The following CMTM4 variants were observed in gnomAD, a reference collection of about 807,000 sequenced individuals.
The protein encoded by CMTM4 is CKLF-like MARVEL transmembrane domain-containing protein 4.
In CMTM4, 8 loss-of-function variants were observed where a neutral mutation model predicts 19.0. The ratio of observed to expected loss-of-function variants is 0.42; its 90% confidence interval spans 0.25 to 0.76. The LOEUF (loss-of-function observed/expected upper bound fraction) is 0.76, where lower values mean the gene tolerates loss of function less well. Among genes scored for constraint, CMTM4 ranks in the 30% least tolerant of loss-of-function variants. The probability of loss-of-function intolerance (pLI) is 0.27; values close to 1 mark genes in which losing one functional copy is unlikely to be tolerated. For missense variants in CMTM4, 228 were observed against 290.2 expected (o/e 0.79, Z 1.56); for synonymous variants, 106 against 121.1 (o/e 0.88, Z 0.82).
In CMTM4 at chr16:66,618,023, C is replaced by T; in HGVS notation, c.*4035G>A. 2.0e-6 allele frequency: 2 copies of T among 985,620 alleles called. No individual in the cohort carries two copies. The highest frequency in any genetic ancestry group is 2.4e-6 in the Non-Finnish European group (2 of 830,086). The allele number at this position is 985,620 out of a possible 1,614,324, so 61.1% of individuals were successfully genotyped here. A position where few individuals can be genotyped will look rare whatever the true frequency, so the allele number is the denominator to read the frequency against. ...AGGCCACTGCTTCCTCCCTTATCTC[C>T]CAGACCTGGCCGTGTGTGGACCTCA... is the stretch of plus-strand genomic sequence containing the variant. On this transcript the variant is annotated 3_prime_UTR_variant, in exon 4 of 4. Coordinates refer to ENST00000394106, the MANE Select transcript of CMTM4 (RefSeq NM_181521.3).
At chr16:66,674,735 T>C (rs1366199727) in intron 1 of CMTM4, among the ~76,000 whole-genome samples, 1 of 140,060 alleles carries the variant, frequency 7.1e-6, no homozygotes, top group Non-Finnish European at 1.6e-5. Context: ...ACATATTCTT[T>C]TTTTTTTTTT....
At position 66,621,709 on chromosome 16, in the gene CMTM4, AT is replaced by A; in HGVS notation, c.*348del. 1 of 1,074,546 alleles carries A rather than the reference AT, an allele frequency of 9.3e-7. No individual in the cohort carries two copies. Among genetic ancestry groups the A allele is most frequent in the Non-Finnish European group, 1.1e-6 (1 of 882,240 alleles). The allele number at this position is 1,074,546 out of a possible 1,614,324, so 66.6% of individuals were successfully genotyped here. A position where few individuals can be genotyped will look rare whatever the true frequency, so the allele number is the denominator to read the frequency against. ...CAATGCTGTCCCTTCATTCCTTCAT[AT>A]TTCCCCCCTCTTAGCAGCCCCATTT... On this transcript the variant is annotated 3_prime_UTR_variant, in exon 4 of 4. Coordinates refer to ENST00000394106, the MANE Select transcript of CMTM4 (RefSeq NM_181521.3).
At chr16:66,606,128 G>C in the CMTM4 span, among the ~76,000 whole-genome samples, 1 of 152,068 alleles carries the variant, frequency 6.6e-6, no homozygotes, top group Non-Finnish European at 1.5e-5. Flanking sequence ...CCAGGTCAGG[G>C]AGGATAAGGA....
chr16:66,674,216 G>A (rs1209643352), intron 1 of CMTM4, among the ~76,000 whole-genome samples: 1 of 152,214 alleles, frequency 6.6e-6, no homozygotes, highest in Admixed American at 6.6e-5. Context: ...CAGATAGATG[G>A]AAAAGCTGAG....
At chr16:66,683,180 T>C (rs984574297) in intron 1 of CMTM4, among the ~76,000 whole-genome samples, 17 of 85,650 alleles carry the variant, frequency 2.0e-4, no homozygotes, top group East Asian at 1.2e-3. Context: ...TATATACATA[T>C]GTATATATAT....
At position 66,618,688 on chromosome 16, in the gene CMTM4, G is replaced by A. The variant is rs2015571563; in HGVS notation, c.*3370C>T. 1 of 985,348 alleles carries A rather than the reference G, an allele frequency of 1.0e-6. No homozygotes were observed. The highest frequency in any genetic ancestry group is 1.2e-6 in the Non-Finnish European group (1 of 829,946). The allele number at this position is 985,348 out of a possible 1,614,324, so 61.0% of individuals were successfully genotyped here. ...TTGGTCTCCTCAGGCTTAACCCAAG[G>A]CTGACTCACTAGGACAGCTTCCAAG... On this transcript the variant is annotated 3_prime_UTR_variant, in exon 4 of 4. Transcript: ENST00000394106.
rs561010726 is a variant in CMTM4, at chr16:66,644,368, G to C, written c.187-7787C>G. 1.3e-4 allele frequency among the ~76,000 whole-genome samples: 20 copies of C among 152,270 alleles called. 1 individual carries two copies. In the South Asian group the frequency reaches 4.1e-3, roughly 32 times the overall value. On this transcript the variant is annotated intron_variant, in intron 1 of 3. Coordinates refer to ENST00000394106, the MANE Select transcript of CMTM4 (RefSeq NM_181521.3). Reference sequence around the variant, plus strand: ...TGCACTTGTGTACACCGAAATGTCAGGTAGACTTTGTATACTTTTTCAGAA... The same window carrying C: ...TGCACTTGTGTACACCGAAATGTCACGTAGACTTTGTATACTTTTTCAGAA...
rs993408485 is a variant in CMTM4 at position 66,620,353 on chromosome 16, C to A, written c.*1705G>T. 3.0e-6 allele frequency: 3 copies of A among 985,504 alleles called. No individual in the cohort carries two copies. In the South Asian group the frequency reaches 1.4e-4, roughly 46 times the overall value. 61.0% of individuals were successfully genotyped at this position (985,504 alleles called of 1,614,324 possible). On this transcript the variant is annotated 3_prime_UTR_variant, in exon 4 of 4. Coordinates refer to ENST00000394106, the MANE Select transcript of CMTM4 (RefSeq NM_181521.3). ...GAGCAGAGGGGAGACGAGTTGTTAACAGGCTAGCAGGGTCAGCCCCTGAGG... is the reference window on the plus strand; with the variant it reads ...GAGCAGAGGGGAGACGAGTTGTTAAAAGGCTAGCAGGGTCAGCCCCTGAGG...
chr16:66,619,678 A>G lies in CMTM4; in HGVS notation c.*2380T>C. On this transcript the variant is annotated 3_prime_UTR_variant, in exon 4 of 4. Transcript: ENST00000394106. ...GAACTTTCGTCACCACGTGGTCTAT[A>G]CATGATGACATGTGCAACCACACAT... is the stretch of plus-strand genomic sequence containing the variant. The G allele has an allele frequency of 3.0e-6, 3 of 985,398 alleles. No individual in the cohort carries two copies. The highest frequency in any genetic ancestry group is 9.4e-5 in the South Asian group (2 of 21,290). The allele number at this position is 985,398 out of a possible 1,614,324, so 61.0% of individuals were successfully genotyped here.
rs2015497042 is a variant in CMTM4 at position 66,614,895 on chromosome 16, A to G, written c.*7163T>C. On this transcript the variant is annotated 3_prime_UTR_variant, in exon 4 of 4. Transcript: ENST00000394106. This position sits in a 1 kb window ranked among gnomAD's most constrained non-coding sequence, Gnocchi z 4.9. ...GAAAAAGATCAAGACAAGTACCATG[A>G]AAAACTGGTCCTTCAAATGAAAGGG... 1 of 152,256 alleles carries G rather than the reference A, an allele frequency of 6.6e-6. No homozygotes were observed. Among genetic ancestry groups the G allele is most frequent in the Admixed American group, 6.5e-5 (1 of 15,288 alleles). The allele number at this position is 152,256 out of a possible 1,614,324, so 9.4% of individuals were successfully genotyped here.
At chr16:66,637,625 T>C (rs2016021311) in intron 1 of CMTM4, among the ~76,000 whole-genome samples, 1 of 152,160 alleles carries the variant, frequency 6.6e-6, no homozygotes, top group South Asian at 2.1e-4. Context: ...GATCATAAAA[T>C]CAAATAGATA....
chr16:66,612,541 CCA>C, downstream of CMTM4: 4 of 1,548,582 alleles, frequency 2.6e-6, no homozygotes, highest in Non-Finnish European at 3.6e-6. The surrounding 1 kb of genome is among the most constrained non-coding windows in gnomAD (Gnocchi z 6.0). Context: ...CTGTGCTTCC[CCA>C]GAGACCGTTC....
chr16:66,678,563 A>C (rs545718685), intron 1 of CMTM4, among the ~76,000 whole-genome samples: 52 of 152,346 alleles, frequency 3.4e-4, no homozygotes, highest in African/African-American at 1.2e-3. Context: ...AACTCTGTTA[A>C]ACTGTACATA....
chr16:66,624,311 AGGCACC>A (rs2015694238), intron 2 of CMTM4, among the ~76,000 whole-genome samples: 1 of 152,226 alleles, frequency 6.6e-6, no homozygotes, highest in South Asian at 2.1e-4. Context: ...CTTTGGCATG[AGGCACC>A]CAGTAGCCTG....
At position 66,619,603 on chromosome 16, in the gene CMTM4, G is replaced by GAA; in HGVS notation, c.*2453_*2454dup. The stretch of plus-strand genomic sequence containing the variant: ...CTGTTTGCATATAGAGGCAATATAA[G>GAA]AAAAATATAGGCGTCTTCATATTCA... On this transcript the variant is annotated 3_prime_UTR_variant, in exon 4 of 4. Coordinates refer to ENST00000394106, the MANE Select transcript of CMTM4 (RefSeq NM_181521.3). The GAA allele has an allele frequency of 1.0e-6, 1 of 985,286 alleles. No individual in the cohort carries two copies. The highest frequency in any genetic ancestry group is 4.7e-5 in the South Asian group (1 of 21,276). 61.0% of individuals were successfully genotyped at this position (985,286 alleles called of 1,614,324 possible).
chr16:66,691,570 A>G (rs1242906837), intron 1 of CMTM4, among the ~76,000 whole-genome samples: 1 of 152,188 alleles, frequency 6.6e-6, no homozygotes, highest in Non-Finnish European at 1.5e-5. Flanking sequence ...GCATAGTGGC[A>G]TACACCTGTA....
the CMTM4 span, among the ~76,000 whole-genome samples, chr16:66,600,938 G>A: frequency 2.0e-5 from 3 of 152,320 alleles, no homozygotes; most frequent in South Asian, 6.2e-4. Context: ...GGTCAGCATG[G>A]ACAATGGCTC....
chr16:66,680,541 A>G (rs1159273281), intron 1 of CMTM4, among the ~76,000 whole-genome samples: 154 of 151,684 alleles, frequency 1.0e-3, no homozygotes, highest in Non-Finnish European at 6.6e-4. Context: ...TCGGGAGGCC[A>G]AGGCGGGCAG....
the CMTM4 span, chr16:66,609,475 C>G: frequency 6.2e-7 from 1 of 1,612,796 alleles, no homozygotes; most frequent in East Asian, 2.2e-5. This position sits in a 1 kb window ranked among gnomAD's most constrained non-coding sequence, Gnocchi z 4.4. Flanking sequence ...ATCTACTTTG[C>G]TATCTCCATC....
Sources: gnomAD v4.1 joint callset for allele counts (sites outside exome capture counted in the v4.1 genomes callset) on GRCh38, gnomAD v4.1.1 for gene constraint, Gnocchi (gnomAD v3.1) non-coding constraint, MANE v1.5 for transcripts, NCBI Gene and HGNC (gene_info 2026-07-23, HGNC 2026-07-21) for gene names.